The following ATAD3C variants were observed in gnomAD, a reference collection of about 807,000 sequenced individuals.
ATAD3C encodes the protein ATPase family AAA domain-containing protein 3C.
A neutral mutation model predicts 46.3 loss-of-function variants in ATAD3C; 38 were observed. The ratio of observed to expected loss-of-function variants is 0.82; its 90% CI spans 0.63 to 1.08. ATAD3C has a LOEUF of 1.08. Ranked by LOEUF, ATAD3C falls within the 50% of genes least tolerant of loss-of-function variation. ATAD3C has a pLI of 0.00. For missense variants in ATAD3C, 563 were observed against 572.7 expected, an observed-to-expected ratio of 0.98 and a Z score of 0.17; for synonymous variants, 220 against 236.4, an observed-to-expected ratio of 0.93 and a Z score of 0.63.
chr1:1,460,957 C>G (rs770738112), intron 10 of ATAD3C, 40 bp downstream of exon 10: 2 of 1,568,102 alleles, frequency 1.3e-6, no homozygotes, highest in South Asian at 1.2e-5. Flanking sequence ...CAGGGGCCCT[C>G]GCTCAGGGTC....
Position 1,457,129 on chromosome 1 carries a change from C to G in ATAD3C, c.690C>G (p.Gly230=). Residue 230 remains glycine (G), a splice_region_variant and synonymous_variant, in exon 8 of 12, where the codon GGC becomes GGG. Transcript: ENST00000378785. Reference sequence around the variant, plus strand: ...AGCTTGGCCTCCCTCTCGTCCACAGCCTCCTGCTCTTTGTGGATGAAGCGG... The same window carrying G: ...AGCTTGGCCTCCCTCTCGTCCACAGGCTCCTGCTCTTTGTGGATGAAGCGG... ...LFDWANTSRR[G]LLLFVDEADA... is the part of the protein sequence containing the mutation. 1 of 1,613,548 alleles carries G rather than the reference C, an allele frequency of 6.2e-7. No individual in the cohort carries two copies. The highest frequency in any genetic ancestry group is 8.5e-7 in the Non-Finnish European group (1 of 1,179,638).
rs1167591454 is a variant in ATAD3C, at chr1:1,459,771, C to T, written c.812+540C>T. 6.6e-6 allele frequency among the ~76,000 whole-genome samples: 1 copy of T among 152,038 alleles called. No homozygotes were observed. Among genetic ancestry groups the T allele is most frequent in the Non-Finnish European group, 1.5e-5 (1 of 67,980 alleles). ...CTCTGTGGGCTGCCGCCCAGATGTC[C>T]CCCATAGGGTGACCGCCCCATGGCC... On this transcript the variant is annotated intron_variant, in intron 9 of 11. Coordinates refer to ENST00000378785, the MANE Select transcript of ATAD3C (RefSeq NM_001039211.3). The surrounding 1 kb of genome is among the most constrained non-coding windows in gnomAD (Gnocchi z 4.9).
intron 10 of ATAD3C, among the ~76,000 whole-genome samples, chr1:1,461,312 T>A (rs567402178): frequency 6.6e-6 from 1 of 152,094 alleles, no homozygotes; most frequent in East Asian, 1.9e-4. Flanking sequence ...ATCAGCCTCC[T>A]GAGTAGCTGG....
chr1:1,457,607 A>AC (rs1350987230), intron 8 of ATAD3C, among the ~76,000 whole-genome samples: 4 of 150,282 alleles, frequency 2.7e-5, no homozygotes, highest in African/African-American at 9.9e-5. Flanking sequence ...AAAAAAAAAA[A>AC]AAAAAAACAA....
At position 1,450,601 on chromosome 1, in the gene ATAD3C, A is replaced by C; in HGVS notation, c.-83A>C. ...CGAGGCGTGGCCGTGGATTCCAGAA[A>C]GCCCCTTGGCTGGTGTGCGTGCCTG... On this transcript the variant is annotated 5_prime_UTR_variant, in exon 1 of 12. Coordinates refer to ENST00000378785, the MANE Select transcript of ATAD3C (RefSeq NM_001039211.3). 6.6e-7 allele frequency: 1 copy of C among 1,519,156 alleles called. No homozygotes were observed. The highest frequency in any genetic ancestry group is 1.2e-5 in the South Asian group (1 of 83,654). The allele number at this position is 1,519,156 out of a possible 1,614,324, so 94.1% of individuals were successfully genotyped here. A position where few individuals can be genotyped will look rare whatever the true frequency, so the allele number is the denominator to read the frequency against.
intron 1 of ATAD3C, among the ~76,000 whole-genome samples, chr1:1,451,785 C>A (rs1428792409): frequency 6.6e-6 from 1 of 152,016 alleles, no homozygotes; most frequent in Non-Finnish European, 1.5e-5. Context: ...GGGAGGTCGG[C>A]CAGCAGTGGC....
At chr1:1,454,284 T>G (rs1638912206) in intron 3 of ATAD3C, 61 bp from the exon 4 acceptor site, 5 of 1,542,930 alleles carry the variant, frequency 3.2e-6, no homozygotes, top group Non-Finnish European at 4.4e-6. Context: ...CCCGTGCGTC[T>G]CCTGCTCTAG....
At chr1:1,465,755 C>T (rs575105004) in intron 11 of ATAD3C, among the ~76,000 whole-genome samples, 59 of 151,988 alleles carry the variant, frequency 3.9e-4, no homozygotes, top group African/African-American at 1.3e-3. Flanking sequence ...CATCTGAGAA[C>T]AGGTGATTTT....
rs1639044554 is a variant in ATAD3C, at chr1:1,460,799, A to G, written c.862A>G (p.Ile288Val). ...SCHPEQFDWA[I>V]NACIDVMVHF... ...CCACCCCGAGCAGTTCGACTGGGCC[A>G]TCAATGCCTGCATCGACGTGATGGT... The change falls in exon 10 of 12, where the codon ATC becomes GTC. Residue 288 changes from isoleucine to valine, a missense_variant. Transcript: ENST00000378785. 1.2e-6 allele frequency: 2 copies of G among 1,612,620 alleles called. No individual in the cohort carries two copies. The highest frequency in any genetic ancestry group is 1.1e-5 in the South Asian group (1 of 90,872).
At chr1:1,458,949 A>T (rs1161191259) in intron 8 of ATAD3C, among the ~76,000 whole-genome samples, 3 of 151,356 alleles carry the variant, frequency 2.0e-5, no homozygotes, top group Non-Finnish European at 2.9e-5. Context: ...TCAAACTCCC[A>T]ACCTCGTGTG....
chr1:1,451,311 C>T (rs1350351903), intron 1 of ATAD3C, among the ~76,000 whole-genome samples: 3 of 151,816 alleles, frequency 2.0e-5, no homozygotes, highest in Admixed American at 6.6e-5. Context: ...GCTGGGATTA[C>T]AGGCGTGAGC....
intron 8 of ATAD3C, among the ~76,000 whole-genome samples, chr1:1,458,773 A>C (rs1639009111): frequency 6.7e-6 from 1 of 150,302 alleles, no homozygotes; most frequent in East Asian, 2.0e-4. Context: ...CCCATGCTGG[A>C]GTGCAGCGGT....
chr1:1,455,576 T>A, intron 5 of ATAD3C, 57 bp downstream of exon 5: 5 of 1,606,640 alleles, frequency 3.1e-6, no homozygotes, highest in Non-Finnish European at 4.2e-6. Context: ...GGAGCTGGGC[T>A]GGGCTGTGGC....
intron 2 of ATAD3C, 97 bp from the exon 3 acceptor site, chr1:1,452,268 A>G: frequency 6.3e-7 from 1 of 1,598,044 alleles, no homozygotes; most frequent in Non-Finnish European, 8.6e-7. Context: ...TCCTGGCAGG[A>G]CCAGGCTGCT....
chr1:1,468,719 AAAAGGCAGAAGC>A lies in ATAD3C; in HGVS notation c.*190_*201del, dbSNP rs751560640. The A allele has an allele frequency of 2.5e-5, 26 of 1,043,210 alleles. No homozygotes were observed. In the East Asian group the frequency reaches 6.8e-4, roughly 27 times the overall value. 64.6% of individuals were successfully genotyped at this position (1,043,210 alleles called of 1,614,324 possible). A position where few individuals can be genotyped will look rare whatever the true frequency, so the allele number is the denominator to read the frequency against. On this transcript the variant is annotated 3_prime_UTR_variant, in exon 12 of 12. Coordinates refer to ENST00000378785, the MANE Select transcript of ATAD3C (RefSeq NM_001039211.3). ...GTCCCCCTGGGGTCAAAGGTGACAG[AAAAGGCAGAAGC>A]TGGGGCTTTCTGGAGGATTTAACCA...
At position 1,450,690 on chromosome 1, in the gene ATAD3C, A is replaced by G. The variant is rs1278542996; in HGVS notation, c.7A>G (p.Lys3Glu). MS[K>E]DALNLAQMQE... ...GTCCCTGCATCTGCAGGCCATGTCA[A>G]AGGACGCCCTGAATCTGGCGCAGAT... The change falls in exon 1 of 12, where the codon AAG (lysine) becomes GAG (glutamate). Residue 3 changes from lysine (K) to glutamate (E), a missense_variant. Coordinates refer to ENST00000378785, the MANE Select transcript of ATAD3C (RefSeq NM_001039211.3). The G allele has an allele frequency of 6.2e-7, 1 of 1,612,758 alleles. No homozygotes were observed. The highest frequency in any genetic ancestry group is 8.5e-7 in the Non-Finnish European group (1 of 1,179,292).
In ATAD3C at chr1:1,470,082, C is replaced by G. The variant is rs2100497032; in HGVS notation, c.*1552C>G. On this transcript the variant is annotated 3_prime_UTR_variant, in exon 12 of 12. Transcript: ENST00000378785. Reference sequence around the variant, plus strand: ...AAAACCTGTAAGAACTAGTGATAATCCCACCACCCTTTGCTGACTCTCTTT... The same window carrying G: ...AAAACCTGTAAGAACTAGTGATAATGCCACCACCCTTTGCTGACTCTCTTT... 6.6e-6 allele frequency: 1 copy of G among 152,138 alleles called. No homozygotes were observed. The highest frequency in any genetic ancestry group is 1.9e-4 in the East Asian group (1 of 5,188). The allele number at this position is 152,138 out of a possible 1,614,324, so 9.4% of individuals were successfully genotyped here.
rs1248626475 is a variant in ATAD3C at position 1,455,480 on chromosome 1, C to T, written c.399C>T (p.Leu133=). The T allele has an allele frequency of 1.2e-6, 2 of 1,612,542 alleles. No homozygotes were observed. Among genetic ancestry groups the T allele is most frequent in the Middle Eastern group, 1.8e-4 (1 of 5,684 alleles). ...TCCAGCAGGTCAGCCGGCGGCTCCT[C>T]AGTCGACCCCAGGACGTGCTGGAGG... ...HPIQQVSRRL[L]SRPQDVLEGV... The change falls in exon 5 of 12, where the codon CTC becomes CTT. Residue 133 remains leucine (L), a synonymous_variant. Transcript: ENST00000378785.
intron 8 of ATAD3C, 102 bp downstream of exon 8, chr1:1,457,282 C>T: frequency 2.5e-6 from 4 of 1,573,332 alleles, no homozygotes; most frequent in Non-Finnish European, 3.5e-6. Context: ...TTCTTTTTCT[C>T]TAAGTTTTGT....
Sources: gnomAD v4.1 joint callset for allele counts (sites outside exome capture counted in the v4.1 genomes callset) on GRCh38, gnomAD v4.1.1 for gene constraint, Gnocchi (gnomAD v3.1) non-coding constraint, MANE v1.5 for transcripts, NCBI Gene and HGNC (gene_info 2026-07-23, HGNC 2026-07-21) for gene names.